Variants in LINGO2 observed in about 807,000 individuals in gnomAD.
LINGO2 encodes the protein leucine-rich repeat and immunoglobulin-like domain-containing nogo receptor-interacting protein 2.
Under a neutral mutation model 30.6 loss-of-function variants are expected in LINGO2, and 14 were observed. That is an observed-to-expected ratio of 0.46 (90% CI 0.30 to 0.72). LINGO2 has a LOEUF of 0.72. Among genes scored for constraint, LINGO2 ranks in the 30% least tolerant of loss-of-function variants. The pLI is 0.07. For missense variants in LINGO2, 729 were observed against 751.7 expected (o/e 0.97, Z 0.35); for synonymous variants, 317 against 288.5 (o/e 1.10, Z -1.00).
the LINGO2 span, among the ~76,000 whole-genome samples, chr9:28,931,636 T>C: frequency 2.0e-5 from 3 of 152,362 alleles, no homozygotes; most frequent in Admixed American, 2.0e-4. Context: ...AGAGGCATCG[T>C]ACAGTATAAA....
At chr9:28,429,686 A>T (rs1307992391) in intron 2 of LINGO2, among the ~76,000 whole-genome samples, 1 of 152,146 alleles carries the variant, frequency 6.6e-6, no homozygotes, top group Non-Finnish European at 1.5e-5. Context: ...GCTCTCATAC[A>T]CTAAACTAAT....
the LINGO2 span, among the ~76,000 whole-genome samples, chr9:29,069,996 C>A: frequency 6.6e-6 from 1 of 151,920 alleles, no homozygotes; most frequent in African/African-American, 2.4e-5. Flanking sequence ...AAAAATAAAA[C>A]CAGTCATAGT....
Position 28,548,971 on chromosome 9 carries a change from C to T in LINGO2, c.-364-72946G>A, listed in dbSNP as rs1587839883. 2.6e-5 allele frequency among the ~76,000 whole-genome samples: 4 copies of T among 152,018 alleles called. No individual in the cohort carries two copies. In the Middle Eastern group the frequency reaches 0.01, roughly 390 times the overall value. ...CAGAATATAATAAAACAAATGTCTG[C>T]TTTCACTGTATAGATATAATACATA... On this transcript the variant is annotated intron_variant, in intron 1 of 5. Transcript: ENST00000379992.
the LINGO2 span, among the ~76,000 whole-genome samples, chr9:29,152,372 G>A: frequency 4.4e-4 from 67 of 152,206 alleles, 2 homozygotes; most frequent in East Asian, 0.011. Flanking sequence ...CATGTTCATT[G>A]CAGCACTATT....
chr9:29,208,148 G>A, the LINGO2 span, among the ~76,000 whole-genome samples: 5 of 151,966 alleles, frequency 3.3e-5, 1 homozygote, highest in Middle Eastern at 0.014. Context: ...TATTTTTAGT[G>A]TTCATAAAAA....
At chr9:28,491,052 G>C (rs1387944145) in intron 1 of LINGO2, among the ~76,000 whole-genome samples, 1 of 152,146 alleles carries the variant, frequency 6.6e-6, no homozygotes, top group Non-Finnish European at 1.5e-5. Flanking sequence ...GGTTAACTTT[G>C]GAAAAGTGAG....
At chr9:28,790,325 C>CTTTCTTTTTTTTTTTATTTTTTT in the LINGO2 span, among the ~76,000 whole-genome samples, 1 of 106,300 alleles carries the variant, frequency 9.4e-6, no homozygotes, top group African/African-American at 3.9e-5. Context: ...TCTTTTCTTT[C>CTTTCTTTTTTTTTTTATTTTTTT]TTTTTTTTTT....
the LINGO2 span, among the ~76,000 whole-genome samples, chr9:28,721,996 T>A: frequency 6.6e-6 from 1 of 151,890 alleles, no homozygotes; most frequent in Non-Finnish European, 1.5e-5. Flanking sequence ...AAAATCTTCA[T>A]GAGGGGAAAT....
At chr9:28,525,752 G>GT (rs1271820963) in intron 1 of LINGO2, among the ~76,000 whole-genome samples, 3 of 152,078 alleles carry the variant, frequency 2.0e-5, no homozygotes, top group Non-Finnish European at 4.4e-5. Flanking sequence ...CTAAAAATAT[G>GT]TTTTTTAAAA....
chr9:28,840,385 G>T, the LINGO2 span, among the ~76,000 whole-genome samples: 2 of 151,884 alleles, frequency 1.3e-5, no homozygotes, highest in African/African-American at 2.4e-5. Flanking sequence ...ACCAAAGCCT[G>T]TAAGTTTTAT....
the LINGO2 span, among the ~76,000 whole-genome samples, chr9:29,051,891 A>G: frequency 3.9e-5 from 6 of 152,144 alleles, no homozygotes; most frequent in Non-Finnish European, 8.8e-5. Flanking sequence ...TTGATTAATA[A>G]TTGGGTTTCT....
chr9:27,971,606 C>G (rs764249003), intron 5 of LINGO2, among the ~76,000 whole-genome samples: 1 of 152,124 alleles, frequency 6.6e-6, no homozygotes, highest in Non-Finnish European at 1.5e-5. Context: ...CCAGGCTGGT[C>G]TCAAACTCTT....
At chr9:28,318,510 T>C (rs1444038727) in intron 3 of LINGO2, among the ~76,000 whole-genome samples, 1 of 152,176 alleles carries the variant, frequency 6.6e-6, no homozygotes. Context: ...TTAAATAGCA[T>C]GCACAAAGTC....
downstream of LINGO2, chr9:27,944,479 GTACCAGAAAACACCCTCTGT>G (rs1823288522): frequency 6.6e-6 from 1 of 152,134 alleles, no homozygotes; most frequent in Admixed American, 6.6e-5. Flanking sequence ...GTTTGCCAAA[GTACCAGAAAACACCCTCTGT>G]TGCCTAACGA....
At chr9:28,640,230 C>G (rs1827505672) in intron 1 of LINGO2, among the ~76,000 whole-genome samples, 1 of 152,084 alleles carries the variant, frequency 6.6e-6, no homozygotes, top group Non-Finnish European at 1.5e-5. Flanking sequence ...GTAACCCGAC[C>G]TTTCTCTGTG....
the LINGO2 span, among the ~76,000 whole-genome samples, chr9:28,907,138 C>T: frequency 6.6e-6 from 1 of 151,788 alleles, no homozygotes; most frequent in Admixed American, 6.6e-5. Context: ...TTTCTATGAT[C>T]TGTATATCAT....
the LINGO2 span, among the ~76,000 whole-genome samples, chr9:29,154,502 T>C: frequency 6.8e-6 from 1 of 148,102 alleles, no homozygotes; most frequent in African/African-American, 2.5e-5. Context: ...TGAATAGGAA[T>C]CTGTAAGAGC....
chr9:29,071,957 C>A, the LINGO2 span, among the ~76,000 whole-genome samples: 1 of 152,070 alleles, frequency 6.6e-6, no homozygotes, highest in Non-Finnish European at 1.5e-5. Flanking sequence ...TAATTTACAA[C>A]TGCCCCTTAG....
chr9:28,007,460 A>G (rs1356100536), intron 5 of LINGO2, among the ~76,000 whole-genome samples: 1 of 152,162 alleles, frequency 6.6e-6, no homozygotes, highest in Non-Finnish European at 1.5e-5. Context: ...ATGAACAGTA[A>G]ATCTGACTGT....
Sources: gnomAD v4.1 joint callset for allele counts (sites outside exome capture counted in the v4.1 genomes callset) on GRCh38, gnomAD v4.1.1 for gene constraint, MANE v1.5 for transcripts, NCBI Gene and HGNC (gene_info 2026-07-23, HGNC 2026-07-21) for gene names.